The following LPAR1 variants were observed in gnomAD, a reference collection of about 807,000 sequenced individuals.
LPAR1 encodes the protein LPA receptor 1.
Under a neutral mutation model 23.8 loss-of-function variants are expected in LPAR1, and 5 were observed. The ratio of observed to expected loss-of-function variants is 0.21; its 90% CI spans 0.11 to 0.44. The LOEUF is 0.44. Among genes scored for constraint, LPAR1 ranks in the 20% least tolerant of loss-of-function variants. The probability of loss-of-function intolerance (pLI) is 0.99; values close to 1 mark genes in which losing one functional copy is unlikely to be tolerated. For missense variants in LPAR1, 311 were observed against 482.8 expected, an observed-to-expected ratio of 0.64 and a Z score of 3.33; for synonymous variants, 160 against 164.7, an observed-to-expected ratio of 0.97 and a Z score of 0.22.
chr9:110,968,361 A>G (rs1384612077), intron 4 of LPAR1, among the ~76,000 whole-genome samples: 1 of 152,100 alleles, frequency 6.6e-6, no homozygotes, highest in Non-Finnish European at 1.5e-5. Flanking sequence ...TAGGGACATC[A>G]CTGTTTACAA....
At chr9:111,005,811 C>T (rs1392425129) in intron 2 of LPAR1, among the ~76,000 whole-genome samples, 1 of 152,144 alleles carries the variant, frequency 6.6e-6, no homozygotes, top group Non-Finnish European at 1.5e-5. Flanking sequence ...ATCTTTCAAT[C>T]TTCCAATGTC....
chr9:111,006,997 G>T (rs1434267927), intron 2 of LPAR1, among the ~76,000 whole-genome samples: 1 of 152,054 alleles, frequency 6.6e-6, no homozygotes, highest in Non-Finnish European at 1.5e-5. Flanking sequence ...GTTCTCTCAA[G>T]ATATTGTCAT....
At chr9:110,930,796 T>G (rs1297686272) in intron 5 of LPAR1, among the ~76,000 whole-genome samples, 3 of 151,904 alleles carry the variant, frequency 2.0e-5, no homozygotes, top group Admixed American at 6.6e-5. Flanking sequence ...GTGCCTATAG[T>G]CCCAGCTACC....
At chr9:111,022,706 G>A (rs542903593) in intron 2 of LPAR1, among the ~76,000 whole-genome samples, 3 of 152,104 alleles carry the variant, frequency 2.0e-5, no homozygotes, top group East Asian at 3.9e-4. Flanking sequence ...TATTTCTCCT[G>A]CATATCGAAC....
intron 5 of LPAR1, among the ~76,000 whole-genome samples, chr9:110,889,224 G>A (rs921565066): frequency 6.6e-6 from 1 of 152,128 alleles, no homozygotes; most frequent in Admixed American, 6.5e-5. Flanking sequence ...GCCAGGCATG[G>A]TTGGGCGCCT....
intron 5 of LPAR1, among the ~76,000 whole-genome samples, chr9:110,911,187 C>T (rs1385185019): frequency 6.6e-6 from 1 of 152,182 alleles, no homozygotes; most frequent in Admixed American, 6.5e-5. Context: ...CCCCAATCTT[C>T]AGCAACCACC....
chr9:110,895,356 G>A (rs538568416), intron 5 of LPAR1, among the ~76,000 whole-genome samples: 1 of 152,190 alleles, frequency 6.6e-6, no homozygotes, highest in South Asian at 2.1e-4. Context: ...TGGGTGGCTG[G>A]CTCCAACCTC....
At chr9:111,024,949 T>C (rs1051181981) in intron 2 of LPAR1, among the ~76,000 whole-genome samples, 9 of 152,212 alleles carry the variant, frequency 5.9e-5, no homozygotes, top group South Asian at 2.1e-4. Flanking sequence ...CAGTCTATCA[T>C]TGATGGGCAT....
At chr9:111,035,575 C>T (rs1469559548) in intron 2 of LPAR1, among the ~76,000 whole-genome samples, 9 of 152,118 alleles carry the variant, frequency 5.9e-5, no homozygotes, top group East Asian at 1.9e-4. Flanking sequence ...AGAAACCAAA[C>T]AGTAGTATGA....
intron 5 of LPAR1, among the ~76,000 whole-genome samples, chr9:110,940,589 A>T (rs1333008375): frequency 6.6e-6 from 1 of 152,218 alleles, no homozygotes; most frequent in Non-Finnish European, 1.5e-5. Context: ...GTATAATTCC[A>T]TTGGGTAATT....
chr9:110,874,997 G>A lies in LPAR1; in HGVS notation c.*424C>T, dbSNP rs144242492. ...CACAAACATGCTGATAGGCATAAAC[G>A]TGTTTATTAAGTGAAACGTATCCTT... On this transcript the variant is annotated 3_prime_UTR_variant, in exon 6 of 6. Transcript: ENST00000683809. 1.3e-3 allele frequency: 201 copies of A among 154,254 alleles called. No individual in the cohort carries two copies. The highest frequency in any genetic ancestry group is 4.6e-3 in the African/African-American group (191 of 41,626). 9.6% of individuals were successfully genotyped at this position (154,254 alleles called of 1,614,324 possible). A position where few individuals can be genotyped will look rare whatever the true frequency, so the allele number is the denominator to read the frequency against.
At chr9:110,968,688 C>T (rs1362039180) in intron 4 of LPAR1, among the ~76,000 whole-genome samples, 1 of 152,142 alleles carries the variant, frequency 6.6e-6, no homozygotes, top group Non-Finnish European at 1.5e-5. Context: ...GTATCTCCCA[C>T]TATATCTGTA....
intron 4 of LPAR1, among the ~76,000 whole-genome samples, chr9:110,946,786 A>T (rs1330445896): frequency 1.3e-5 from 2 of 152,180 alleles, no homozygotes; most frequent in African/African-American, 2.4e-5. Context: ...ACTTAAAGCA[A>T]ATATCAAAAA....
intron 2 of LPAR1, among the ~76,000 whole-genome samples, chr9:111,023,971 T>C (rs1170209132): frequency 6.6e-6 from 1 of 152,132 alleles, no homozygotes; most frequent in Non-Finnish European, 1.5e-5. Context: ...CCAGTTAAAA[T>C]GCTCAAGAAG....
At chr9:111,033,851 C>T (rs1209442721) in intron 2 of LPAR1, among the ~76,000 whole-genome samples, 1 of 152,232 alleles carries the variant, frequency 6.6e-6, no homozygotes, top group African/African-American at 2.4e-5. Context: ...CCGTGCCCAG[C>T]CTCTTCTTTT....
intron 2 of LPAR1, among the ~76,000 whole-genome samples, chr9:111,008,879 CA>C (rs2097271033): frequency 6.6e-6 from 1 of 152,108 alleles, no homozygotes; most frequent in South Asian, 2.1e-4. Context: ...TGAACTGATT[CA>C]CCTTAAGCTC....
chr9:110,969,106 T>A (rs2096321648), intron 4 of LPAR1, among the ~76,000 whole-genome samples: 2 of 152,132 alleles, frequency 1.3e-5, no homozygotes, highest in South Asian at 4.1e-4. Flanking sequence ...TTTTTTCTAA[T>A]GAGAAAAAAC....
At chr9:111,016,229 T>C (rs931172788) in intron 2 of LPAR1, among the ~76,000 whole-genome samples, 4 of 152,022 alleles carry the variant, frequency 2.6e-5, no homozygotes, top group Non-Finnish European at 4.4e-5. Context: ...ACATACATCA[T>C]TACACTGTGA....
At chr9:111,022,309 G>C (rs2097574613) in intron 2 of LPAR1, among the ~76,000 whole-genome samples, 1 of 152,138 alleles carries the variant, frequency 6.6e-6, no homozygotes, top group Non-Finnish European at 1.5e-5. Flanking sequence ...AAGGCTCCCA[G>C]GGCCTCAAAG....
Sources: allele counts gnomAD v4.1 joint callset (sites outside exome capture counted in the v4.1 genomes callset), GRCh38; gene constraint gnomAD v4.1.1; transcripts MANE v1.5; gene names NCBI Gene and HGNC (gene_info 2026-07-23, HGNC 2026-07-21).